GPC3: variants seen among roughly 807,000 people sequenced by gnomAD.
GPC3 encodes the protein glypican 3.
Under a neutral mutation model 34.4 loss-of-function variants are expected in GPC3, and 3 were observed. The ratio of observed to expected loss-of-function variants is 0.09; its 90% CI spans 0.04 to 0.23. GPC3 has a LOEUF of 0.23. Among genes scored for constraint, GPC3 ranks in the 10% least tolerant of loss-of-function variants. The pLI is 1.00. For synonymous variants in GPC3, 177 were observed against 174.0 expected (o/e 1.02, Z -0.13); for missense variants, 351 against 445.6 (o/e 0.79, Z 1.91).
intron 2 of GPC3, among the ~76,000 whole-genome samples, chrX:133,792,213 C>T (rs2072172677): frequency 9.0e-6 from 1 of 111,133 alleles, no homozygotes; most frequent in South Asian, 3.8e-4. Context: ...TTCTTGTTAG[C>T]CTGGCCTTTC....
intron 7 of GPC3, among the ~76,000 whole-genome samples, chrX:133,549,041 G>A (rs74757297): frequency 1.8e-5 from 2 of 111,447 alleles, no homozygotes; most frequent in African/African-American, 6.5e-5. Context: ...ATGGGATTTG[G>A]AGAATTGAGA....
chrX:133,585,404 T>C (rs1323965548), intron 7 of GPC3, among the ~76,000 whole-genome samples: 1 of 111,055 alleles, frequency 9.0e-6, no homozygotes, highest in Non-Finnish European at 1.9e-5. Flanking sequence ...ACTAGGACTA[T>C]CCACACTAGA....
At position 133,878,153 on chromosome X, in the gene GPC3, C is replaced by T. The variant is rs138431463; in HGVS notation, c.337+74897G>A. Among the ~76,000 whole-genome samples the T allele has an allele frequency of 8.1e-4, 90 of 111,789 alleles. 2 individuals are homozygous for T. In the East Asian group the frequency reaches 0.022, roughly 27 times the overall value. Reference sequence around the variant, plus strand: ...AGATCATACTATCTTTGAGGCCGGGCGCGGTGGCTCACGCCTGTAATCCCA... The same window carrying T: ...AGATCATACTATCTTTGAGGCCGGGTGCGGTGGCTCACGCCTGTAATCCCA... On this transcript the variant is annotated intron_variant, in intron 2 of 7. Transcript: ENST00000370818.
intron 2 of GPC3, among the ~76,000 whole-genome samples, chrX:133,789,113 T>C (rs781550828): frequency 9.0e-6 from 1 of 111,200 alleles, no homozygotes; most frequent in African/African-American, 3.3e-5. Flanking sequence ...ATCTGACTCA[T>C]GCTAAGTAAG....
At chrX:133,622,368 A>G (rs1358735323) in intron 6 of GPC3, among the ~76,000 whole-genome samples, 1 of 112,062 alleles carries the variant, frequency 8.9e-6, no homozygotes, top group Non-Finnish European at 1.9e-5. Context: ...CTCTGAGCTA[A>G]AGGAGGATAT....
rs180898493 is a variant in GPC3, at chrX:133,691,884, C to G, written c.1292+485G>C. Among the ~76,000 whole-genome samples, 14 of 112,474 alleles carry G rather than the reference C, an allele frequency of 1.2e-4. No homozygotes were observed. The East Asian group carries it at 2.8e-3, about 22-fold the overall frequency. On this transcript the variant is annotated intron_variant, in intron 5 of 7. Transcript: ENST00000370818. ...TAAAATTGCCTTCAGACACAGTTCT[C>G]TATGTGTTTCAAACTTTGCAACTTC...
At chrX:133,777,807 G>A (rs2072002982) in intron 2 of GPC3, among the ~76,000 whole-genome samples, 1 of 111,065 alleles carries the variant, frequency 9.0e-6, no homozygotes, top group African/African-American at 3.3e-5. Context: ...AAGCTCCCCA[G>A]GCAAATCTGA....
Position 133,764,201 on chromosome X carries a change from A to G in GPC3, c.338-10025T>C, listed in dbSNP as rs184884189. Among the ~76,000 whole-genome samples the G allele has an allele frequency of 2.7e-5, 3 of 112,063 alleles. No individual in the cohort carries two copies. In the Admixed American group the frequency reaches 2.8e-4, roughly 11 times the overall value. ...AACCAAATACCACATGTTCTCAATT[A>G]TAAGTGGGAGCTAAACATGGGGTAC... On this transcript the variant is annotated intron_variant, in intron 2 of 7. Coordinates refer to ENST00000370818, the MANE Select transcript of GPC3 (RefSeq NM_004484.4).
intron 2 of GPC3, among the ~76,000 whole-genome samples, chrX:133,758,605 A>G (rs748139422): frequency 9.0e-6 from 1 of 110,856 alleles, no homozygotes; most frequent in Admixed American, 9.6e-5. Flanking sequence ...TGAGCTTAAT[A>G]CCTAGGTGAT....
At chrX:133,557,090 G>A (rs1408741618) in intron 7 of GPC3, among the ~76,000 whole-genome samples, 3 of 108,892 alleles carry the variant, frequency 2.8e-5, no homozygotes, top group Non-Finnish European at 5.7e-5. Flanking sequence ...TCAGGAGATC[G>A]AGACCATCCT....
At chrX:133,928,110 T>C (rs1160917525) in intron 2 of GPC3, among the ~76,000 whole-genome samples, 1 of 110,588 alleles carries the variant, frequency 9.0e-6, no homozygotes. Context: ...CCCCATTTCC[T>C]TTCCCCTGCC....
intron 7 of GPC3, among the ~76,000 whole-genome samples, chrX:133,570,521 A>G (rs2069619730): frequency 8.9e-6 from 1 of 112,889 alleles, no homozygotes; most frequent in African/African-American, 3.2e-5. Flanking sequence ...GTTTTAAAGC[A>G]GAGGTATAAA....
chrX:133,635,069 T>G (rs2070405490), intron 6 of GPC3, among the ~76,000 whole-genome samples: 1 of 111,268 alleles, frequency 9.0e-6, no homozygotes, highest in African/African-American at 3.3e-5. Flanking sequence ...CTCCATGAAG[T>G]TCAAGTTGAC....
intron 6 of GPC3, among the ~76,000 whole-genome samples, chrX:133,643,930 C>T (rs2070513198): frequency 9.3e-6 from 1 of 107,167 alleles, no homozygotes; most frequent in Non-Finnish European, 1.9e-5. Flanking sequence ...CGGTTTCAAG[C>T]GATTCTTGTG....
chrX:133,645,449 G>A (rs935092672), intron 6 of GPC3, among the ~76,000 whole-genome samples: 4 of 111,892 alleles, frequency 3.6e-5, no homozygotes, highest in African/African-American at 9.7e-5. Flanking sequence ...ACACTCTGGC[G>A]AGAAACCAAC....
chrX:133,775,712 C>T (rs1009870581), intron 2 of GPC3, among the ~76,000 whole-genome samples: 18 of 111,587 alleles, frequency 1.6e-4, no homozygotes, highest in African/African-American at 5.9e-4. Context: ...ACACGAGGGG[C>T]TTTGGCAGAA....
At chrX:133,742,989 G>A (rs2071577150) in intron 3 of GPC3, among the ~76,000 whole-genome samples, 1 of 112,455 alleles carries the variant, frequency 8.9e-6, no homozygotes, top group Non-Finnish European at 1.9e-5. Flanking sequence ...CCCCCCGTAT[G>A]AAATAAGAAA....
chrX:133,936,088 A>G (rs1383886047), intron 2 of GPC3, among the ~76,000 whole-genome samples: 1 of 107,728 alleles, frequency 9.3e-6, no homozygotes, highest in Admixed American at 1.0e-4. Flanking sequence ...TATTATTATT[A>G]TTATTATCAT....
intron 2 of GPC3, among the ~76,000 whole-genome samples, chrX:133,896,001 G>A (rs1001191339): frequency 1.8e-5 from 2 of 111,592 alleles, no homozygotes; most frequent in Non-Finnish European, 3.8e-5. Context: ...TGAATTTAGG[G>A]TGTTGGCAAA....
Sources: allele counts gnomAD v4.1 joint callset (sites outside exome capture counted in the v4.1 genomes callset), GRCh38; gene constraint gnomAD v4.1.1; transcripts MANE v1.5; gene names NCBI Gene and HGNC (gene_info 2026-07-23, HGNC 2026-07-21).